The following FTO variants were observed in gnomAD, a reference collection of about 807,000 sequenced individuals.
FTO encodes the protein alpha-ketoglutarate-dependent dioxygenase FTO.
FTO carries 47 observed loss-of-function variants against 63.9 expected under a neutral mutation model. The ratio of observed to expected loss-of-function variants is 0.74; its 90% confidence interval spans 0.58 to 0.94. FTO has a LOEUF of 0.94. Ranked by LOEUF, FTO falls within the 40% of genes least tolerant of loss-of-function variation. The pLI, the probability that FTO is intolerant of heterozygous loss-of-function variation, is 0.00. For missense variants in FTO, 562 were observed against 618.1 expected (o/e 0.91, Z 0.96); for synonymous variants, 207 against 224.4 (o/e 0.92, Z 0.69).
At chr16:53,974,277 G>A (rs928267749) in intron 8 of FTO, among the ~76,000 whole-genome samples, 4 of 151,992 alleles carry the variant, frequency 2.6e-5, no homozygotes, top group Admixed American at 6.6e-5. Flanking sequence ...GAGCATATGA[G>A]GTACCTTGTA....
chr16:53,721,598 C>G (rs2076043248), intron 1 of FTO, among the ~76,000 whole-genome samples: 1 of 152,050 alleles, frequency 6.6e-6, no homozygotes. Flanking sequence ...AAGTAAGTCT[C>G]TTTTACTTAC....
intron 1 of FTO, among the ~76,000 whole-genome samples, chr16:53,766,794 T>C (rs750589184): frequency 1.3e-5 from 2 of 152,170 alleles, no homozygotes; most frequent in African/African-American, 4.8e-5. Context: ...TAATGAAGTT[T>C]TAGGCCTCAG....
intron 4 of FTO, among the ~76,000 whole-genome samples, chr16:53,856,352 C>T (rs1423754896): frequency 1.5e-5 from 2 of 129,668 alleles, no homozygotes; most frequent in African/African-American, 6.2e-5. Flanking sequence ...GCCCAATAAA[C>T]ATCTTTTTTT....
chr16:53,823,732 C>T (rs2078928391), intron 2 of FTO, among the ~76,000 whole-genome samples: 1 of 152,042 alleles, frequency 6.6e-6, no homozygotes, highest in Non-Finnish European at 1.5e-5. Context: ...ACTAAAAATA[C>T]AAAATTAGCC....
chr16:54,044,347 A>C (rs750650161), intron 8 of FTO, among the ~76,000 whole-genome samples: 308 of 8,342 alleles, frequency 0.037, 16 homozygotes, highest in Middle Eastern at 0.12. Context: ...AACAAAGATC[A>C]AAAGAGACAA....
At chr16:53,838,691 T>C (rs62033436) in intron 3 of FTO, among the ~76,000 whole-genome samples, 35,055 of 151,826 alleles carry the variant, frequency 0.23, 4,271 homozygotes, top group Middle Eastern at 0.31. Flanking sequence ...AACAAAAAAT[T>C]AGCCACGTGT....
intron 4 of FTO, among the ~76,000 whole-genome samples, chr16:53,868,310 A>G (rs1460318890): frequency 1.3e-5 from 2 of 151,784 alleles, no homozygotes; most frequent in Non-Finnish European, 2.9e-5. Flanking sequence ...TGAGTATTTC[A>G]TGATTTCATT....
At chr16:53,979,085 C>G (rs142214012) in intron 8 of FTO, among the ~76,000 whole-genome samples, 1,804 of 152,088 alleles carry the variant, frequency 0.012, 39 homozygotes, top group African/African-American at 0.041. Context: ...TTTTTAAAAT[C>G]GTTATACTCT....
At chr16:53,987,177 G>A (rs2083687933) in intron 8 of FTO, among the ~76,000 whole-genome samples, 3 of 152,114 alleles carry the variant, frequency 2.0e-5, no homozygotes, top group Admixed American at 1.3e-4. Context: ...TTATATGGTG[G>A]TTAGAGTACA....
intron 1 of FTO, among the ~76,000 whole-genome samples, chr16:53,784,819 T>C (rs1433534124): frequency 6.6e-6 from 1 of 152,156 alleles, no homozygotes; most frequent in Non-Finnish European, 1.5e-5. Context: ...ATTGCAGATA[T>C]GTTCATATAC....
intron 3 of FTO, among the ~76,000 whole-genome samples, chr16:53,836,456 C>G (rs998315072): frequency 6.6e-6 from 1 of 152,152 alleles, no homozygotes; most frequent in Non-Finnish European, 1.5e-5. Flanking sequence ...CTTCATCCTT[C>G]TTTGTATCCG....
intron 4 of FTO, among the ~76,000 whole-genome samples, chr16:53,849,331 T>C (rs1046589893): frequency 6.6e-6 from 1 of 152,218 alleles, no homozygotes; most frequent in African/African-American, 2.4e-5. Context: ...TGCAGACTTG[T>C]GAAGAGTGGG....
intron 8 of FTO, among the ~76,000 whole-genome samples, chr16:54,092,169 G>C (rs1194975256): frequency 6.6e-6 from 1 of 152,220 alleles, no homozygotes; most frequent in Non-Finnish European, 1.5e-5. Context: ...TGTTGTCCCA[G>C]CTACTTGGGG....
intron 4 of FTO, among the ~76,000 whole-genome samples, chr16:53,863,423 G>A (rs1466139758): frequency 6.6e-6 from 1 of 152,230 alleles, no homozygotes; most frequent in Non-Finnish European, 1.5e-5. Context: ...GGTGGAAGAA[G>A]ATGTGTCCTT....
At chr16:53,947,856 G>A (rs2082686127) in intron 8 of FTO, among the ~76,000 whole-genome samples, 1 of 152,140 alleles carries the variant, frequency 6.6e-6, no homozygotes, top group Non-Finnish European at 1.5e-5. Flanking sequence ...TGCATGTTAT[G>A]CTAGCTTTAA....
intron 1 of FTO, among the ~76,000 whole-genome samples, chr16:53,797,148 A>G (rs1411331762): frequency 6.6e-6 from 1 of 152,176 alleles, no homozygotes; most frequent in Non-Finnish European, 1.5e-5. Context: ...AGGCACAGAG[A>G]TTTCCCATAT....
In FTO at chr16:54,111,947, A is replaced by G. The variant is rs781021746; in HGVS notation, c.*32A>G. The G allele has an allele frequency of 5.7e-5, 92 of 1,612,750 alleles. No individual in the cohort carries two copies. The highest frequency in any genetic ancestry group is 4.5e-4 in the African/African-American group (34 of 74,878). On this transcript the variant is annotated 3_prime_UTR_variant, in exon 9 of 9. Transcript: ENST00000471389. ...CACAAGTCTCAGGCGGAGGAGAAAA[A>G]GAGATCGGCTTTTCTCCTCCAACGT...
intron 8 of FTO, chr16:54,071,478 G>A (rs995079787): frequency 4.6e-5 from 7 of 152,288 alleles, no homozygotes; most frequent in African/African-American, 7.2e-5. Flanking sequence ...GACTGTTTAG[G>A]AGGGTGTCTT....
intron 4 of FTO, among the ~76,000 whole-genome samples, chr16:53,865,676 C>G (rs2080292191): frequency 6.6e-6 from 1 of 152,152 alleles, no homozygotes; most frequent in Admixed American, 6.6e-5. Flanking sequence ...CTCTGTAGTT[C>G]AAGTCACTGT....
Sources: gnomAD v4.1 joint callset for allele counts (sites outside exome capture counted in the v4.1 genomes callset) on GRCh38, gnomAD v4.1.1 for gene constraint, MANE v1.5 for transcripts, NCBI Gene and HGNC (gene_info 2026-07-23, HGNC 2026-07-21) for gene names.